PICALM: variants seen among roughly 807,000 people sequenced by gnomAD.
The protein encoded by PICALM is phosphatidylinositol binding clathrin assembly protein, also known as phosphatidylinositol-binding clathrin assembly protein.
PICALM carries 40 observed loss-of-function variants against 80.5 expected under a neutral mutation model. The observed-to-expected ratio is 0.50, with a 90% CI of 0.39 to 0.65. PICALM has a LOEUF of 0.65. PICALM is among the 30% of genes least tolerant of loss of function. PICALM has a pLI of 0.00. For synonymous variants in PICALM, 288 were observed against 260.3 expected, an observed-to-expected ratio of 1.11 and a Z score of -1.02; for missense variants, 676 against 778.9, an observed-to-expected ratio of 0.87 and a Z score of 1.57.
At chr11:86,023,217 A>G (rs1439950558) in intron 3 of PICALM, among the ~76,000 whole-genome samples, 3 of 152,192 alleles carry the variant, frequency 2.0e-5, no homozygotes, top group African/African-American at 4.8e-5. Flanking sequence ...TCTCATATTC[A>G]TCTAACAAAT....
At chr11:85,986,787 CAT>C (rs1476594475) in intron 13 of PICALM, among the ~76,000 whole-genome samples, 12 of 152,202 alleles carry the variant, frequency 7.9e-5, no homozygotes, top group Admixed American at 2.0e-4. Context: ...CACACACACA[CAT>C]ACACGCGTGC....
At position 85,996,854 on chromosome 11, in the gene PICALM, A is replaced by G; in HGVS notation, c.1230T>C (p.Thr410=). ...CCCATGTACTTGCTACCTGAGAAGC[A>G]GTTGACATAGGATGTACAGATGGGT... ...TFHPSVHPMS[T]ASQVASTWGD... Residue 410 remains threonine (T), a synonymous_variant, in exon 12 of 20, where the codon ACT becomes ACC. Coordinates refer to ENST00000393346, the MANE Select transcript of PICALM (RefSeq NM_007166.4). 6.2e-7 allele frequency: 1 copy of G among 1,610,154 alleles called. No individual in the cohort carries two copies. The highest frequency in any genetic ancestry group is 1.1e-5 in the South Asian group (1 of 90,888).
At chr11:86,001,884 A>G (rs1033303728) in intron 9 of PICALM, among the ~76,000 whole-genome samples, 11 of 152,354 alleles carry the variant, frequency 7.2e-5, no homozygotes, top group Middle Eastern at 3.4e-3. Context: ...AACAAGTGGT[A>G]AAGAATTCTA....
intron 17 of PICALM, among the ~76,000 whole-genome samples, chr11:85,978,929 C>T (rs1476539379): frequency 2.6e-5 from 4 of 152,048 alleles, no homozygotes; most frequent in Non-Finnish European, 4.4e-5. Flanking sequence ...ATAATTCACA[C>T]GAGTCCATAA....
intron 12 of PICALM, among the ~76,000 whole-genome samples, chr11:85,992,984 A>C (rs2094837728): frequency 6.6e-6 from 1 of 152,250 alleles, no homozygotes; most frequent in African/African-American, 2.4e-5. Context: ...CTATTAATGG[A>C]CATTACACTA....
intron 12 of PICALM, among the ~76,000 whole-genome samples, chr11:85,995,691 T>TAAA (rs1288592403): frequency 5.9e-5 from 9 of 152,180 alleles, no homozygotes; most frequent in Non-Finnish European, 8.8e-5. Context: ...GCTTAAATGG[T>TAAA]CATGTTAATT....
intron 19 of PICALM, among the ~76,000 whole-genome samples, chr11:85,972,743 T>C (rs1300651264): frequency 6.6e-6 from 1 of 152,184 alleles, no homozygotes; most frequent in Non-Finnish European, 1.5e-5. Context: ...ACTTAGTCTC[T>C]TGTACCAAAA....
chr11:86,022,043 G>A (rs369984759), intron 4 of PICALM, among the ~76,000 whole-genome samples: 10 of 152,200 alleles, frequency 6.6e-5, no homozygotes, highest in African/African-American at 2.2e-4. Context: ...ATGCTAATAG[G>A]TATAGAGTTT....
chr11:86,008,744 C>T (rs894660017), intron 7 of PICALM, among the ~76,000 whole-genome samples: 4 of 151,984 alleles, frequency 2.6e-5, no homozygotes, highest in South Asian at 2.1e-4. Context: ...GGAACTAAGG[C>T]GTTCTAATTA....
Position 86,001,036 on chromosome 11 carries a change from T to G in PICALM, c.1016A>C (p.Lys339Thr). The G allele has an allele frequency of 6.2e-7, 1 of 1,614,040 alleles. No individual in the cohort carries two copies. The highest frequency in any genetic ancestry group is 8.5e-7 in the Non-Finnish European group (1 of 1,179,914). Residue 339 changes from lysine (K) to threonine (T), a missense_variant and splice_region_variant, in exon 10 of 20, where the codon AAG becomes ACG. Physicochemically the swap from Lys to Thr is moderately conservative, Grantham distance 78. Transcript: ENST00000393346. ...EEEQARLKAL[K>T]EQRLKELAKK... ...AATAAGGAGAATGCACAAACTTACC[T>G]TTAAAGCTTTCAAACGTGCCTGTTC...
chr11:86,042,109 C>G (rs933842567), intron 1 of PICALM, among the ~76,000 whole-genome samples: 2 of 152,118 alleles, frequency 1.3e-5, no homozygotes, highest in Admixed American at 6.5e-5. Context: ...CAACAGGACC[C>G]TGGCAAGAAC....
chr11:86,038,769 T>G (rs1278970578), intron 1 of PICALM, among the ~76,000 whole-genome samples: 1 of 146,750 alleles, frequency 6.8e-6, no homozygotes, highest in African/African-American at 2.6e-5. Flanking sequence ...AGAGCGAGAC[T>G]CCATCTCAGA....
At position 86,044,078 on chromosome 11, in the gene PICALM, G is replaced by C. The variant is rs555574314; in HGVS notation, c.131-12467C>G. Reference sequence around the variant, plus strand: ...TACGCCAATAGTGTCTTAGGAGTTAGAAATATACAATAGTGGACAAAGTTT... The same window carrying C: ...TACGCCAATAGTGTCTTAGGAGTTACAAATATACAATAGTGGACAAAGTTT... On this transcript the variant is annotated intron_variant, in intron 1 of 19. Transcript: ENST00000393346. 3.3e-4 allele frequency among the ~76,000 whole-genome samples: 50 copies of C among 152,310 alleles called. 1 individual carries two copies. In the South Asian group the frequency reaches 0.01, roughly 31 times the overall value.
At chr11:86,019,798 A>G (rs927743327) in intron 4 of PICALM, among the ~76,000 whole-genome samples, 2 of 152,242 alleles carry the variant, frequency 1.3e-5, no homozygotes, top group Non-Finnish European at 2.9e-5. Flanking sequence ...GGTTACCTCT[A>G]TATTTTAATT....
intron 11 of PICALM, among the ~76,000 whole-genome samples, chr11:85,999,506 T>C (rs186920902): frequency 2.0e-5 from 3 of 152,272 alleles, no homozygotes; most frequent in African/African-American, 7.2e-5. Context: ...TGCCCCTTAA[T>C]GGGGTCAATG....
Position 85,990,083 on chromosome 11 carries a change from C to T in PICALM, c.1408+167G>A, listed in dbSNP as rs184390130. Among the ~76,000 whole-genome samples the T allele has an allele frequency of 4.0e-3, 589 of 147,370 alleles. 4 individuals are homozygous for T. The highest frequency in any genetic ancestry group is 0.014 in the African/African-American group (561 of 39,786). ...AGTCTGTATAAATAAAATTGGGATA[C>T]CAGTGTCAATTTAAAAACCTCACTA... On this transcript the variant is annotated intron_variant, in intron 13 of 19. Transcript: ENST00000393346.
intron 19 of PICALM, among the ~76,000 whole-genome samples, chr11:85,959,756 G>C (rs1004978518): frequency 6.6e-6 from 1 of 151,810 alleles, no homozygotes; most frequent in Non-Finnish European, 1.5e-5. Context: ...ATTTTTGGGT[G>C]GGGGTAGAGA....
chr11:86,007,798 G>C (rs1045739972), intron 7 of PICALM, among the ~76,000 whole-genome samples: 2 of 151,966 alleles, frequency 1.3e-5, no homozygotes, highest in Non-Finnish European at 2.9e-5. Flanking sequence ...ACTAGAGTTG[G>C]AAAGTCAACA....
intron 1 of PICALM, among the ~76,000 whole-genome samples, chr11:86,066,942 A>G (rs749385231): frequency 1.3e-5 from 2 of 152,226 alleles, no homozygotes; most frequent in Non-Finnish European, 2.9e-5. Flanking sequence ...TTTTCTGTTC[A>G]TAAGAGTGTC....
Sources: allele counts gnomAD v4.1 joint callset (sites outside exome capture counted in the v4.1 genomes callset), GRCh38; gene constraint gnomAD v4.1.1; transcripts MANE v1.5; gene names NCBI Gene and HGNC (gene_info 2026-07-23, HGNC 2026-07-21).